The following SPIDR variants were observed in gnomAD, a reference collection of about 807,000 sequenced individuals.
SPIDR encodes the protein scaffold protein involved in DNA repair, also known as DNA repair-scaffolding protein.
A neutral mutation model predicts 104.6 loss-of-function variants in SPIDR; 93 were observed. The ratio of observed to expected loss-of-function variants is 0.89; its 90% CI spans 0.75 to 1.06. SPIDR has a LOEUF of 1.06. Ranked by LOEUF, SPIDR falls within the 50% of genes least tolerant of loss-of-function variation. SPIDR has a pLI of 0.00. For synonymous variants in SPIDR, 431 were observed against 416.9 expected (o/e 1.03, Z -0.41); for missense variants, 1,154 against 1,111.2 (o/e 1.04, Z -0.55).
chr8:47,302,886 G>A (rs1237393951), intron 5 of SPIDR, among the ~76,000 whole-genome samples: 3 of 152,170 alleles, frequency 2.0e-5, no homozygotes, highest in East Asian at 1.9e-4. Context: ...TAGGCTACTC[G>A]AGGGTCAGGG....
At chr8:47,553,172 T>C (rs2090823607) in intron 8 of SPIDR, among the ~76,000 whole-genome samples, 1 of 152,236 alleles carries the variant, frequency 6.6e-6, no homozygotes, top group Non-Finnish European at 1.5e-5. Context: ...TAACTCGACC[T>C]TTCTCTCTGG....
intron 5 of SPIDR, among the ~76,000 whole-genome samples, chr8:47,379,642 A>G (rs2059088756): frequency 6.6e-6 from 1 of 152,194 alleles, no homozygotes; most frequent in African/African-American, 2.4e-5. Flanking sequence ...TGGCTAAAGG[A>G]GTTTAGGAAA....
chr8:47,694,742 C>G (rs1262107208), intron 11 of SPIDR, among the ~76,000 whole-genome samples: 1 of 151,752 alleles, frequency 6.6e-6, no homozygotes. Context: ...GAGCAAGACT[C>G]TATCTCCAAA....
At chr8:47,690,796 G>A (rs2078533082) in intron 11 of SPIDR, among the ~76,000 whole-genome samples, 1 of 151,896 alleles carries the variant, frequency 6.6e-6, no homozygotes, top group African/African-American at 2.4e-5. Flanking sequence ...TCCAGCCTGG[G>A]TGACAAGGCG....
At chr8:47,485,316 G>A (rs901424149) in intron 8 of SPIDR, among the ~76,000 whole-genome samples, 11 of 152,228 alleles carry the variant, frequency 7.2e-5, no homozygotes, top group Admixed American at 3.9e-4. Context: ...AGGGGCGCCT[G>A]CCATTGCTGA....
chr8:47,602,517 G>A (rs564211910), intron 10 of SPIDR, among the ~76,000 whole-genome samples: 3 of 152,338 alleles, frequency 2.0e-5, no homozygotes, highest in East Asian at 1.9e-4. Context: ...AGAAACAGCG[G>A]TGTCTTATGG....
At position 47,391,055 on chromosome 8, in the gene SPIDR, A is replaced by T. The variant is rs565440133; in HGVS notation, c.526-5321A>T. Among the ~76,000 whole-genome samples the T allele has an allele frequency of 5.3e-5, 8 of 152,314 alleles. No individual in the cohort carries two copies. The South Asian group carries it at 1.7e-3, about 32-fold the overall frequency. On this transcript the variant is annotated intron_variant, in intron 5 of 19. Transcript: ENST00000297423. Reference sequence around the variant, plus strand: ...TTCTGAAAGATCGTGTGTTTCTCACAGTCGGGCTTAGGCCAAGACAGCTGG... The same window carrying T: ...TTCTGAAAGATCGTGTGTTTCTCACTGTCGGGCTTAGGCCAAGACAGCTGG...
At chr8:47,457,744 TC>T (rs2073233772) in intron 8 of SPIDR, among the ~76,000 whole-genome samples, 1 of 152,204 alleles carries the variant, frequency 6.6e-6, no homozygotes, top group Non-Finnish European at 1.5e-5. Context: ...AAGTCCTTGA[TC>T]CATCTTGAGT....
intron 19 of SPIDR, among the ~76,000 whole-genome samples, chr8:47,733,212 A>G (rs2085552495): frequency 1.3e-5 from 2 of 152,036 alleles, no homozygotes; most frequent in African/African-American, 2.4e-5. Flanking sequence ...CATGGTGAAA[A>G]CCCATCTCTA....
intron 8 of SPIDR, among the ~76,000 whole-genome samples, chr8:47,519,010 G>A (rs574812219): frequency 1.3e-5 from 2 of 152,146 alleles, no homozygotes; most frequent in Non-Finnish European, 2.9e-5. Context: ...ACCTTTGAAA[G>A]CCAAGCTCTA....
At chr8:47,507,288 G>A (rs2081630633) in intron 8 of SPIDR, among the ~76,000 whole-genome samples, 1 of 152,246 alleles carries the variant, frequency 6.6e-6, no homozygotes, top group South Asian at 2.1e-4. Context: ...TGCCCATAAA[G>A]CGTCTTCCCA....
chr8:47,392,137 G>A (rs575606764), intron 5 of SPIDR, among the ~76,000 whole-genome samples: 46 of 152,140 alleles, frequency 3.0e-4, no homozygotes, highest in African/African-American at 1.1e-3. Flanking sequence ...GCTAACATTT[G>A]CTAAATGCTT....
intron 5 of SPIDR, among the ~76,000 whole-genome samples, chr8:47,308,934 C>T (rs2154253022): frequency 6.6e-6 from 1 of 152,350 alleles, no homozygotes; most frequent in Non-Finnish European, 1.5e-5. Context: ...ATATTCAGGC[C>T]TTCCCCTGGA....
intron 8 of SPIDR, among the ~76,000 whole-genome samples, chr8:47,501,122 C>G (rs1381223429): frequency 1.3e-5 from 2 of 151,996 alleles, no homozygotes; most frequent in East Asian, 3.9e-4. Flanking sequence ...ACTTGGGGAT[C>G]CGGACTCTTT....
chr8:47,668,499 T>G (rs1589018145), intron 10 of SPIDR, among the ~76,000 whole-genome samples: 1 of 149,978 alleles, frequency 6.7e-6, no homozygotes, highest in Admixed American at 6.6e-5. Context: ...CTTGACAAAC[T>G]AGGACTCCCT....
At chr8:47,677,408 T>G (rs987498262) in intron 11 of SPIDR, among the ~76,000 whole-genome samples, 2 of 152,274 alleles carry the variant, frequency 1.3e-5, no homozygotes, top group African/African-American at 4.8e-5. Flanking sequence ...CAAATTATTT[T>G]GTGGGGAGTG....
intron 10 of SPIDR, among the ~76,000 whole-genome samples, chr8:47,642,779 C>CA (rs1294561622): frequency 2.0e-5 from 3 of 152,006 alleles, no homozygotes; most frequent in Admixed American, 1.3e-4. Context: ...CATGATGGTG[C>CA]ACGCCTGTAG....
At chr8:47,587,144 A>C (rs2060336337) in intron 8 of SPIDR, among the ~76,000 whole-genome samples, 1 of 152,022 alleles carries the variant, frequency 6.6e-6, no homozygotes, top group East Asian at 1.9e-4. Context: ...GATCCTAAAG[A>C]TTTTCTCTTA....
At chr8:47,602,812 C>A (rs933503298) in intron 10 of SPIDR, among the ~76,000 whole-genome samples, 1 of 152,222 alleles carries the variant, frequency 6.6e-6, no homozygotes, top group Non-Finnish European at 1.5e-5. Context: ...TCAAAAGATT[C>A]ATGTCCTCTG....
Sources: gnomAD v4.1 joint callset for allele counts (sites outside exome capture counted in the v4.1 genomes callset) on GRCh38, gnomAD v4.1.1 for gene constraint, MANE v1.5 for transcripts, NCBI Gene and HGNC (gene_info 2026-07-23, HGNC 2026-07-21) for gene names.